The following AK8 variants were observed in gnomAD, a reference collection of about 807,000 sequenced individuals.
The protein encoded by AK8 is ATP-AMP transphosphorylase 8.
In AK8, 44 loss-of-function variants were observed where a neutral mutation model predicts 54.6. That is an observed-to-expected ratio of 0.81 (90% confidence interval 0.63 to 1.04). The LOEUF (loss-of-function observed/expected upper bound fraction) is 1.04. AK8 is among the 50% of genes least tolerant of loss of function. The probability of loss-of-function intolerance (pLI) is 0.00; values close to 1 mark genes in which losing one functional copy is unlikely to be tolerated. For missense variants in AK8, 555 were observed against 613.6 expected, an observed-to-expected ratio of 0.90 and a Z score of 1.01; for synonymous variants, 239 against 245.6, an observed-to-expected ratio of 0.97 and a Z score of 0.25.
intron 9 of AK8, among the ~76,000 whole-genome samples, chr9:132,821,462 C>T (rs544761592): frequency 6.6e-6 from 1 of 152,160 alleles, no homozygotes; most frequent in African/African-American, 2.4e-5. Flanking sequence ...TTTTTAAAAA[C>T]GGACTCAGGA....
At chr9:132,804,958 G>A (rs936131418) in intron 10 of AK8, among the ~76,000 whole-genome samples, 9 of 152,206 alleles carry the variant, frequency 5.9e-5, no homozygotes, top group Admixed American at 2.6e-4. Flanking sequence ...CCCGTCAGGC[G>A]AGGATGTTCC....
chr9:132,828,787 T>C, intron 5 of AK8, 61 bp from the exon 6 acceptor site: 3 of 1,362,526 alleles, frequency 2.2e-6, no homozygotes, highest in Non-Finnish European at 3.0e-6. Flanking sequence ...TTGGAATTAT[T>C]TTAAAAGGAA....
At chr9:132,828,154 G>A in intron 6 of AK8, 70 bp from the exon 7 acceptor site, 1 of 1,347,638 alleles carries the variant, frequency 7.4e-7, no homozygotes, top group Non-Finnish European at 1.0e-6. Context: ...GAATATCACA[G>A]ACCAATACTT....
At chr9:132,774,222 G>C (rs1418392381) in intron 11 of AK8, among the ~76,000 whole-genome samples, 3 of 152,096 alleles carry the variant, frequency 2.0e-5, no homozygotes, top group African/African-American at 4.8e-5. Context: ...CTGTCTCGTG[G>C]CCAGAATGGG....
chr9:132,742,581 G>A (rs554916696), intron 11 of AK8, among the ~76,000 whole-genome samples: 26 of 152,284 alleles, frequency 1.7e-4, no homozygotes, highest in African/African-American at 6.3e-4. Context: ...TCTGCCCCTC[G>A]CAGCCCTCTG....
At chr9:132,820,694 C>A (rs553613873) in intron 9 of AK8, among the ~76,000 whole-genome samples, 1 of 152,308 alleles carries the variant, frequency 6.6e-6, no homozygotes, top group East Asian at 1.9e-4. Context: ...TAAGTGAGGT[C>A]TTCTGATGAA....
intron 5 of AK8, among the ~76,000 whole-genome samples, chr9:132,845,700 G>A (rs889490214): frequency 2.7e-5 from 4 of 149,820 alleles, no homozygotes; most frequent in African/African-American, 9.8e-5. Context: ...AGAATCGCCT[G>A]AACCTAGGAG....
intron 11 of AK8, among the ~76,000 whole-genome samples, chr9:132,729,591 T>A (rs560821892): frequency 2.0e-5 from 3 of 152,338 alleles, no homozygotes; most frequent in African/African-American, 7.2e-5. Context: ...TTTAATTCAT[T>A]TATACATATA....
intron 5 of AK8, 96 bp from the exon 6 acceptor site, chr9:132,828,822 G>T (rs1841987836): frequency 3.3e-6 from 3 of 922,764 alleles, no homozygotes; most frequent in Admixed American, 3.3e-5. Flanking sequence ...AGAAAGACTA[G>T]AACTTTTAAG....
intron 11 of AK8, among the ~76,000 whole-genome samples, chr9:132,774,112 T>C (rs908811022): frequency 1.1e-4 from 17 of 152,114 alleles, no homozygotes; most frequent in African/African-American, 2.2e-4. Context: ...GCAGACCTTA[T>C]TGGGATGCAT....
intron 11 of AK8, 114 bp downstream of exon 11, chr9:132,792,520 T>G (rs1323951760): frequency 7.2e-7 from 1 of 1,387,788 alleles, no homozygotes; most frequent in Admixed American, 2.6e-5. Context: ...CCAGGAGACA[T>G]TCCACTTCAG....
intron 4 of AK8, among the ~76,000 whole-genome samples, chr9:132,857,821 G>A (rs1414185212): frequency 6.6e-6 from 1 of 152,192 alleles, no homozygotes; most frequent in Non-Finnish European, 1.5e-5. Flanking sequence ...GGCTTTGAGC[G>A]CAGCTACTCC....
intron 10 of AK8, among the ~76,000 whole-genome samples, chr9:132,808,517 T>G (rs1032158772): frequency 6.6e-6 from 1 of 152,138 alleles, no homozygotes; most frequent in African/African-American, 2.4e-5. Flanking sequence ...ATTTTGCTGC[T>G]GATTCGAAAG....
chr9:132,840,582 T>C (rs1244897374), intron 5 of AK8, among the ~76,000 whole-genome samples: 1 of 152,054 alleles, frequency 6.6e-6, no homozygotes, highest in Non-Finnish European at 1.5e-5. Context: ...TAGAACTCAC[T>C]TGAGTGGTGG....
chr9:132,745,090 G>A (rs1170711121), intron 11 of AK8, among the ~76,000 whole-genome samples: 1 of 151,926 alleles, frequency 6.6e-6, no homozygotes, highest in Non-Finnish European at 1.5e-5. Flanking sequence ...TGCCCAAAGC[G>A]CTCTGTTCTG....
chr9:132,784,992 C>G (rs1261714233), intron 11 of AK8, among the ~76,000 whole-genome samples: 1 of 151,924 alleles, frequency 6.6e-6, no homozygotes, highest in African/African-American at 2.4e-5. Context: ...AAACAATAAT[C>G]TGTGTATAAT....
chr9:132,840,406 T>TCACACACACACACA, intron 5 of AK8, among the ~76,000 whole-genome samples: 1 of 143,136 alleles, frequency 7.0e-6, no homozygotes, highest in Admixed American at 6.9e-5. Flanking sequence ...AAGTGGACAC[T>TCACACACACACACA]CACACACACA....
At chr9:132,776,706 A>C (rs967246659) in intron 11 of AK8, among the ~76,000 whole-genome samples, 1 of 151,858 alleles carries the variant, frequency 6.6e-6, no homozygotes, top group Non-Finnish European at 1.5e-5. Flanking sequence ...CCTCGATCCC[A>C]AAAGATGAAG....
At chr9:132,786,180 AACTGGTGGCTAAAATAAG>A (rs1302131607) in intron 11 of AK8, among the ~76,000 whole-genome samples, 13 of 152,230 alleles carry the variant, frequency 8.5e-5, no homozygotes, top group African/African-American at 2.9e-4. Context: ...GCCACCTGGG[AACTGGTGGCTAAAATAAG>A]GGGGCTTGGT....
Sources: allele counts gnomAD v4.1 joint callset (sites outside exome capture counted in the v4.1 genomes callset), GRCh38; gene constraint gnomAD v4.1.1; transcripts MANE v1.5; gene names NCBI Gene and HGNC (gene_info 2026-07-23, HGNC 2026-07-21).